The following DTWD1 variants were observed in gnomAD, a reference collection of about 807,000 sequenced individuals.
DTWD1 encodes the protein tRNA-uridine aminocarboxypropyltransferase 1.
In DTWD1, 27 loss-of-function variants were observed where a neutral mutation model predicts 30.2. The ratio of observed to expected loss-of-function variants is 0.90; its 90% CI spans 0.66 to 1.23. DTWD1 has a LOEUF of 1.23. DTWD1 is among the 50% of genes most tolerant of loss of function. The pLI is 0.00. For synonymous variants in DTWD1, 99 were observed against 113.1 expected, an observed-to-expected ratio of 0.88 and a Z score of 0.79; for missense variants, 342 against 348.8, an observed-to-expected ratio of 0.98 and a Z score of 0.15.
intron 2 of DTWD1, chr15:49,631,927 G>C: frequency 4.0e-6 from 2 of 501,402 alleles, no homozygotes; most frequent in Non-Finnish European, 7.1e-6. Context: ...AAGATTCTCT[G>C]TTAAATGAGT....
At position 49,643,548 on chromosome 15, in the gene DTWD1, A is replaced by T. The variant is rs752082399; in HGVS notation, c.885A>T (p.Gly295=). The T allele has an allele frequency of 3.8e-6, 6 of 1,598,536 alleles. No homozygotes were observed. The highest frequency in any genetic ancestry group is 5.1e-6 in the Non-Finnish European group (6 of 1,175,028). Residue 295 remains glycine (G), a synonymous_variant, in exon 5 of 5, where the codon GGA becomes GGT. Transcript: ENST00000403028. ...YQLIKNAKCS[G]DKETGKLTH Reference sequence around the variant, plus strand: ...TGATAAAGAATGCCAAATGCTCTGGAGATAAGGAAACAGGAAAACTTACAC... The same window carrying T: ...TGATAAAGAATGCCAAATGCTCTGGTGATAAGGAAACAGGAAAACTTACAC...
chr15:49,632,484 G>T (rs182823176), intron 3 of DTWD1, among the ~76,000 whole-genome samples, 182 bp downstream of exon 3: 1 of 152,274 alleles, frequency 6.6e-6, no homozygotes, highest in East Asian at 1.9e-4. Context: ...GATGTTTCTA[G>T]ACTGCTATGC....
chr15:49,626,765 C>T (rs1336976671), intron 2 of DTWD1: 2 of 444,070 alleles, frequency 4.5e-6, no homozygotes, highest in South Asian at 3.2e-5. Flanking sequence ...TCATCTTGGC[C>T]AGTCCATGGT....
Position 49,655,426 on chromosome 15 carries a change from T to C in DTWD1, c.*11848T>C, listed in dbSNP as rs2079172497. ...AGAAAATCGGGCCTACGTACCTCTA[T>C]TTTTTTTTCATACTCCCGTGTTTTT... is the stretch of plus-strand genomic sequence containing the variant. On this transcript the variant is annotated 3_prime_UTR_variant, in exon 5 of 5. Transcript: ENST00000403028. The C allele has an allele frequency of 6.6e-6, 1 of 151,340 alleles. No individual in the cohort carries two copies. The highest frequency in any genetic ancestry group is 2.1e-4 in the South Asian group (1 of 4,760). The allele number at this position is 151,340 out of a possible 1,614,324, so 9.4% of individuals were successfully genotyped here.
chr15:49,643,181 C>A, intron 4 of DTWD1, 150 bp from the exon 5 acceptor site: 1 of 841,572 alleles, frequency 1.2e-6, no homozygotes, highest in Non-Finnish European at 1.7e-6. Flanking sequence ...TTGTTTCAAA[C>A]TGGGATTGAA....
Position 49,625,539 on chromosome 15 carries a change from A to G in DTWD1, c.264+108A>G, listed in dbSNP as rs995543901. ...CTTAATAAATAATGTTATTATTGTT[A>G]GAAACAAGTGCTTGTTGCTGCAAAG... On this transcript the variant is annotated intron_variant, in intron 2 of 4. Transcript: ENST00000403028. 1.7e-5 allele frequency: 20 copies of G among 1,164,734 alleles called. No individual in the cohort carries two copies. In the African/African-American group the frequency reaches 2.7e-4, roughly 15 times the overall value. The allele number at this position is 1,164,734 out of a possible 1,614,324, so 72.1% of individuals were successfully genotyped here.
intron 2 of DTWD1, chr15:49,629,686 A>C (rs375931515): frequency 6.6e-5 from 10 of 152,314 alleles, no homozygotes; most frequent in African/African-American, 2.2e-4. Context: ...TTCAGCCAGA[A>C]GTAGACTGAT....
At chr15:49,638,457 C>T (rs528823529) in intron 4 of DTWD1, among the ~76,000 whole-genome samples, 1 of 152,136 alleles carries the variant, frequency 6.6e-6, no homozygotes, top group Non-Finnish European at 1.5e-5. Flanking sequence ...TACTTCAACC[C>T]CTGTCCTTTG....
At chr15:49,622,333 C>T (rs1380736225) in intron 1 of DTWD1, among the ~76,000 whole-genome samples, 2 of 152,142 alleles carry the variant, frequency 1.3e-5, no homozygotes, top group African/African-American at 4.8e-5. Flanking sequence ...AGGTTTAAGA[C>T]ATTGCTGTGG....
chr15:49,641,073 T>A (rs1439798730), intron 4 of DTWD1, among the ~76,000 whole-genome samples: 2 of 152,062 alleles, frequency 1.3e-5, no homozygotes, highest in Non-Finnish European at 2.9e-5. Flanking sequence ...AAGAAAGACC[T>A]CTAATGCAAT....
rs1412055286 is a variant in DTWD1, at chr15:49,644,514, TGTGAG to T, written c.*939_*943del. 6.6e-6 allele frequency: 1 copy of T among 152,266 alleles called. No homozygotes were observed. The highest frequency in any genetic ancestry group is 1.5e-5 in the Non-Finnish European group (1 of 68,090). The allele number at this position is 152,266 out of a possible 1,614,324, so 9.4% of individuals were successfully genotyped here. Reference sequence around the variant, plus strand: ...CTCTTTTCTATTCTGCTCCCTGCTCTGTGAGGTAGGTTCCTTTGCTCTCTTGCTTT... The same window carrying T: ...CTCTTTTCTATTCTGCTCCCTGCTCTGTAGGTTCCTTTGCTCTCTTGCTTT... On this transcript the variant is annotated 3_prime_UTR_variant, in exon 5 of 5. Transcript: ENST00000403028.
At chr15:49,638,050 CTT>C (rs1300200608) in intron 4 of DTWD1, among the ~76,000 whole-genome samples, 1 of 152,160 alleles carries the variant, frequency 6.6e-6, no homozygotes, top group African/African-American at 2.4e-5. Flanking sequence ...AGGCTGTGCT[CTT>C]TGAAAGAGAG....
chr15:49,644,753 C>G lies in DTWD1; in HGVS notation c.*1175C>G, dbSNP rs1598672365. On this transcript the variant is annotated 3_prime_UTR_variant, in exon 5 of 5. Coordinates refer to ENST00000403028, the MANE Select transcript of DTWD1 (RefSeq NM_001144955.2). Reference sequence around the variant, plus strand: ...ACCTCACTAGGTTTAGTTCCTGCTCCCTCCCTTTACCCCTTTTCACTTAGG... The same window carrying G: ...ACCTCACTAGGTTTAGTTCCTGCTCGCTCCCTTTACCCCTTTTCACTTAGG... The G allele has an allele frequency of 6.6e-6, 1 of 152,160 alleles. No homozygotes were observed. Among genetic ancestry groups the G allele is most frequent in the East Asian group, 1.9e-4 (1 of 5,182 alleles). The allele number at this position is 152,160 out of a possible 1,614,324, so 9.4% of individuals were successfully genotyped here.
chr15:49,624,246 T>G (rs2153350922), intron 1 of DTWD1, among the ~76,000 whole-genome samples: 1 of 152,292 alleles, frequency 6.6e-6, no homozygotes, highest in East Asian at 1.9e-4. Flanking sequence ...TGCCTGGAGC[T>G]TCGTAGTTAA....
At position 49,643,508 on chromosome 15, in the gene DTWD1, C is replaced by A. The variant is rs2079092124; in HGVS notation, c.845C>A (p.Ser282Tyr). The change falls in exon 5 of 5, where the codon TCT becomes TAT. Residue 282 changes from serine (S) to tyrosine (Y), a missense_variant. Ser to Tyr is a moderately radical substitution (Grantham distance 144). Transcript: ENST00000403028. ...TATGACAATCTTTTATTTTTCTATT[C>A]TTTTATGTACCAGTTGATAAAGAAT... ...GQYDNLLFFY[S>Y]FMYQLIKNAK... 3 of 1,607,748 alleles carry A rather than the reference C, an allele frequency of 1.9e-6. No individual in the cohort carries two copies. Among genetic ancestry groups the A allele is most frequent in the South Asian group, 1.1e-5 (1 of 89,764 alleles).
At chr15:49,634,350 T>TTAAATA (rs1253380375) in intron 3 of DTWD1, among the ~76,000 whole-genome samples, 186 bp from the exon 4 acceptor site, 1 of 152,106 alleles carries the variant, frequency 6.6e-6, no homozygotes, top group Non-Finnish European at 1.5e-5. Flanking sequence ...TATATTATGA[T>TTAAATA]TATAAATTAC....
intron 2 of DTWD1, chr15:49,627,004 G>A (rs2078853009): frequency 4.9e-6 from 1 of 204,298 alleles, no homozygotes; most frequent in Admixed American, 4.9e-5. Flanking sequence ...TCATAGCCAT[G>A]TAAAGAAGGG....
rs762189572 is a variant in DTWD1 at position 49,650,687 on chromosome 15, C to T, written c.*7109C>T. The T allele has an allele frequency of 2.6e-5, 4 of 152,176 alleles. No homozygotes were observed. Among genetic ancestry groups the T allele is most frequent in the Non-Finnish European group, 4.4e-5 (3 of 68,040 alleles). 9.4% of individuals were successfully genotyped at this position (152,176 alleles called of 1,614,324 possible). On this transcript the variant is annotated 3_prime_UTR_variant, in exon 5 of 5. Transcript: ENST00000403028. ...GTTACCCTCGTCTTAGATCTCAGGG[C>T]AGCCCTCAGTGGAGATGTAAGGCCT...
At chr15:49,630,040 C>T (rs2078898694) in intron 2 of DTWD1, 1 of 152,072 alleles carries the variant, frequency 6.6e-6, no homozygotes, top group Non-Finnish European at 1.5e-5. Flanking sequence ...CACACACACA[C>T]AACATGGAAG....
Sources: allele counts gnomAD v4.1 joint callset (sites outside exome capture counted in the v4.1 genomes callset), GRCh38; gene constraint gnomAD v4.1.1; transcripts MANE v1.5; gene names NCBI Gene and HGNC (gene_info 2026-07-23, HGNC 2026-07-21).